Variants in DGKB observed in about 807,000 individuals in gnomAD.
DGKB encodes the protein diacylglycerol kinase beta.
In DGKB, 67 loss-of-function variants were observed where a neutral mutation model predicts 114.3. The ratio of observed to expected loss-of-function variants is 0.59; its 90% CI spans 0.48 to 0.72. DGKB has a LOEUF of 0.72. Among genes scored for constraint, DGKB ranks in the 30% least tolerant of loss-of-function variants. DGKB has a pLI of 0.00. For synonymous variants in DGKB, 398 were observed against 323.1 expected (o/e 1.23, Z -2.49); for missense variants, 907 against 975.2 (o/e 0.93, Z 0.93).
chr7:14,899,600 A>G (rs1200987530), intron 1 of DGKB, among the ~76,000 whole-genome samples: 1 of 152,054 alleles, frequency 6.6e-6, no homozygotes, highest in Non-Finnish European at 1.5e-5. Flanking sequence ...CTCCTCTCAT[A>G]TTAACTGCAT....
chr7:14,416,597 C>T (rs1212960556), intron 21 of DGKB, among the ~76,000 whole-genome samples: 1 of 151,950 alleles, frequency 6.6e-6, no homozygotes, highest in Middle Eastern at 3.2e-3. Flanking sequence ...CCATACTGTT[C>T]TCATGGTAGT....
intron 1 of DGKB, among the ~76,000 whole-genome samples, chr7:14,952,404 T>G (rs993523751): frequency 6.6e-6 from 1 of 152,052 alleles, no homozygotes; most frequent in African/African-American, 2.4e-5. Flanking sequence ...AATATAGCAA[T>G]GCTTCCCAAA....
chr7:14,357,234 T>C (rs2128620545), intron 21 of DGKB, among the ~76,000 whole-genome samples: 1 of 152,300 alleles, frequency 6.6e-6, no homozygotes, highest in South Asian at 2.1e-4. Flanking sequence ...GGAGTCTAAG[T>C]CCCTTTGTGG....
rs374144844 is a variant in DGKB at position 14,241,570 on chromosome 7, G to A, written c.2123-63419C>T. The stretch of plus-strand genomic sequence containing the variant: ...TATAAATACTAAATAAAAATATATT[G>A]CAAATGAAAAGCTTTTTTAAGTTGA... On this transcript the variant is annotated intron_variant, in intron 23 of 25. Coordinates refer to ENST00000402815, the MANE Select transcript of DGKB (RefSeq NM_001350709.2). Among the ~76,000 whole-genome samples the A allele has an allele frequency of 6.9e-4, 105 of 152,012 alleles. 1 individual carries two copies. In the Middle Eastern group the frequency reaches 0.014, roughly 20 times the overall value.
At chr7:14,646,327 A>G (rs1438447039) in intron 13 of DGKB, among the ~76,000 whole-genome samples, 1 of 152,200 alleles carries the variant, frequency 6.6e-6, no homozygotes, top group East Asian at 1.9e-4. Flanking sequence ...GGATATAACA[A>G]TTATAGAAAA....
intron 20 of DGKB, among the ~76,000 whole-genome samples, chr7:14,547,343 T>C (rs1271948018): frequency 6.6e-6 from 1 of 152,202 alleles, no homozygotes; most frequent in Admixed American, 6.5e-5. Context: ...TATAGTTACT[T>C]CTGTCTTTCC....
At chr7:14,584,778 C>T (rs1021228136) in intron 17 of DGKB, among the ~76,000 whole-genome samples, 8 of 152,026 alleles carry the variant, frequency 5.3e-5, no homozygotes, top group African/African-American at 1.9e-4. Flanking sequence ...CCTGCCTCAG[C>T]CTCCCAAGTA....
chr7:14,443,407 T>G (rs985972205), intron 21 of DGKB, among the ~76,000 whole-genome samples: 15 of 152,254 alleles, frequency 9.9e-5, no homozygotes, highest in African/African-American at 3.1e-4. Context: ...TGGGCAAAAA[T>G]AAATTTTAGC....
At chr7:14,442,621 T>G (rs1160538326) in intron 21 of DGKB, among the ~76,000 whole-genome samples, 1 of 152,158 alleles carries the variant, frequency 6.6e-6, no homozygotes, top group African/African-American at 2.4e-5. Context: ...AGATATAAAT[T>G]TCCTGTAAAT....
At chr7:14,186,032 C>T (rs549109441) in intron 23 of DGKB, among the ~76,000 whole-genome samples, 1 of 152,296 alleles carries the variant, frequency 6.6e-6, no homozygotes, top group Non-Finnish European at 1.5e-5. Flanking sequence ...CCTAATTAAA[C>T]TAAAGAGCTT....
At chr7:14,332,932 T>C (rs1809982963) in intron 23 of DGKB, among the ~76,000 whole-genome samples, 1 of 152,180 alleles carries the variant, frequency 6.6e-6, no homozygotes, top group Non-Finnish European at 1.5e-5. Context: ...CACCTATTAA[T>C]GAGGTTTCAA....
rs115705576 is a variant in DGKB, at chr7:14,287,675, A to C, written c.2122+50840T>G. On this transcript the variant is annotated intron_variant, in intron 23 of 25. Transcript: ENST00000402815. ...ACTGATAGACTTCAATCAAAGCTTTAAAGTTAAGCATGTTCTTAAACTAGG... is the reference window on the plus strand; with the variant it reads ...ACTGATAGACTTCAATCAAAGCTTTCAAGTTAAGCATGTTCTTAAACTAGG... 4.1e-3 allele frequency among the ~76,000 whole-genome samples: 620 copies of C among 152,304 alleles called. 2 individuals are homozygous for C. Among genetic ancestry groups the C allele is most frequent in the African/African-American group, 0.014 (600 of 41,570 alleles).
chr7:14,967,307 ATTTATTTTTATTTTTATT>A lies in DGKB; in HGVS notation c.-188+7371_-188+7388del, dbSNP rs10531792. Reference sequence around the variant, plus strand: ...TAAAGAACAAGTGTTTCCTGACTTGATTTATTTTTATTTTTATTTTTATTTTTATTTTTTTGAGATGCA... The same window carrying A: ...TAAAGAACAAGTGTTTCCTGACTTGATTTATTTTTATTTTTTTGAGATGCA... On this transcript the variant is annotated intron_variant, in intron 1 of 4. Transcript: ENST00000437998. 7.3e-5 allele frequency among the ~76,000 whole-genome samples: 11 copies of A among 149,958 alleles called. No individual in the cohort carries two copies. In the East Asian group the frequency reaches 1.6e-3, roughly 22 times the overall value.
intron 21 of DGKB, among the ~76,000 whole-genome samples, chr7:14,441,725 TG>T (rs1202020813): frequency 6.6e-6 from 1 of 152,142 alleles, no homozygotes; most frequent in Non-Finnish European, 1.5e-5. Flanking sequence ...TTCATCATTA[TG>T]TGTCTGGTTT....
chr7:14,414,436 T>C (rs1825385683), intron 21 of DGKB, among the ~76,000 whole-genome samples: 1 of 152,112 alleles, frequency 6.6e-6, no homozygotes, highest in Non-Finnish European at 1.5e-5. Context: ...GTGGTACAGC[T>C]GCAGAACAGC....
chr7:14,841,334 G>T lies in DGKB; in HGVS notation c.-71C>A. On this transcript the variant is annotated 5_prime_UTR_variant, in exon 2 of 26. Transcript: ENST00000402815. Reference sequence around the variant, plus strand: ...ATTCAGGTGTTGCGCAGAGGTCTATGCTTCAAAGATTCCACATGGCATGTT... The same window carrying T: ...ATTCAGGTGTTGCGCAGAGGTCTATTCTTCAAAGATTCCACATGGCATGTT... 3.8e-6 allele frequency: 5 copies of T among 1,316,516 alleles called. No individual in the cohort carries two copies. The highest frequency in any genetic ancestry group is 2.6e-5 in the South Asian group (2 of 76,302). The allele number at this position is 1,316,516 out of a possible 1,614,324, so 81.6% of individuals were successfully genotyped here.
intron 6 of DGKB, among the ~76,000 whole-genome samples, chr7:14,714,005 G>A (rs958904214): frequency 6.6e-6 from 1 of 151,394 alleles, no homozygotes; most frequent in Admixed American, 6.6e-5. Flanking sequence ...AGCACTCATT[G>A]ACTTTATTTT....
Position 14,776,042 on chromosome 7 carries a change from G to A in DGKB, c.71-18311C>T, listed in dbSNP as rs149875546. On this transcript the variant is annotated intron_variant, in intron 2 of 25. Coordinates refer to ENST00000402815, the MANE Select transcript of DGKB (RefSeq NM_001350709.2). ...TGATATGGACAATGAAGTCCAAGCT[G>A]AGGTGGTCTCAGACGGAGATGAGGA... Among the ~76,000 whole-genome samples the A allele has an allele frequency of 2.1e-3, 313 of 152,230 alleles. 2 individuals carry two copies. Among genetic ancestry groups the A allele is most frequent in the Non-Finnish European group, 3.4e-3 (228 of 68,014 alleles).
intron 23 of DGKB, among the ~76,000 whole-genome samples, chr7:14,182,076 A>C (rs1782707291): frequency 6.6e-6 from 1 of 152,212 alleles, no homozygotes; most frequent in East Asian, 1.9e-4. Context: ...AAATGTAGTC[A>C]GGAATACCTG....
Sources: gnomAD v4.1 joint callset for allele counts (sites outside exome capture counted in the v4.1 genomes callset) on GRCh38, gnomAD v4.1.1 for gene constraint, MANE v1.5 for transcripts, NCBI Gene and HGNC (gene_info 2026-07-23, HGNC 2026-07-21) for gene names.